Variants in TMEM232 observed in about 807,000 individuals in gnomAD.
TMEM232 encodes the protein transmembrane protein 232.
A neutral mutation model predicts 78.8 loss-of-function variants in TMEM232; 80 were observed. The ratio of observed to expected loss-of-function variants is 1.01; its 90% CI spans 0.85 to 1.22. The LOEUF (loss-of-function observed/expected upper bound fraction) is 1.22, where lower values mean the gene tolerates loss of function less well. Ranked by LOEUF, TMEM232 falls within the 50% of genes most tolerant of loss-of-function variation. The pLI is 0.00. For synonymous variants in TMEM232, 297 were observed against 254.3 expected (o/e 1.17, Z -1.60); for missense variants, 881 against 742.2 (o/e 1.19, Z -2.17).
At chr5:110,516,569 T>C (rs746161203) in intron 12 of TMEM232, among the ~76,000 whole-genome samples, 2 of 152,180 alleles carry the variant, frequency 1.3e-5, no homozygotes, top group Non-Finnish European at 2.9e-5. Context: ...CTACAACTTT[T>C]ATGATAAAGA....
intron 12 of TMEM232, among the ~76,000 whole-genome samples, chr5:110,492,401 T>C (rs192133325): frequency 6.6e-6 from 1 of 152,020 alleles, no homozygotes; most frequent in Admixed American, 6.6e-5. Context: ...GTTAGTGTCA[T>C]CAAATGTTAC....
At chr5:110,538,395 G>A (rs534072885) in intron 11 of TMEM232, among the ~76,000 whole-genome samples, 91 of 152,218 alleles carry the variant, frequency 6.0e-4, no homozygotes, top group African/African-American at 1.9e-3. Context: ...AGGAAAACAG[G>A]AACAGAGTGA....
chr5:110,545,870 G>C (rs548833620), intron 11 of TMEM232, among the ~76,000 whole-genome samples: 1 of 152,218 alleles, frequency 6.6e-6, no homozygotes, highest in African/African-American at 2.4e-5. Context: ...TTTCCTAGAT[G>C]TGCCAGCATA....
intron 12 of TMEM232, among the ~76,000 whole-genome samples, chr5:110,502,685 CCTCA>C (rs1252946111): frequency 2.6e-5 from 4 of 152,160 alleles, no homozygotes; most frequent in Non-Finnish European, 4.4e-5. Context: ...TCCACTTTCC[CCTCA>C]CTCACTACCC....
At position 110,586,759 on chromosome 5, in the gene TMEM232, T is replaced by C. The variant is rs372561742; in HGVS notation, c.1277-18134A>G. Among the ~76,000 whole-genome samples the C allele has an allele frequency of 3.7e-4, 56 of 152,160 alleles. No homozygotes were observed. In the East Asian group the frequency reaches 5.6e-3, roughly 15 times the overall value. ...AGCAAGGGAAGACTTTCACATCCTATTGGTAGACTTACAAAAATAATAAGC... is the reference window on the plus strand; with the variant it reads ...AGCAAGGGAAGACTTTCACATCCTACTGGTAGACTTACAAAAATAATAAGC... On this transcript the variant is annotated intron_variant, in intron 10 of 13. Transcript: ENST00000455884.
At chr5:110,456,451 T>A (rs1416242937) in intron 12 of TMEM232, among the ~76,000 whole-genome samples, 1 of 152,072 alleles carries the variant, frequency 6.6e-6, no homozygotes, top group Non-Finnish European at 1.5e-5. Flanking sequence ...GAGTAAATAT[T>A]GTGAAGATGT....
At chr5:110,722,933 G>A (rs919085402) in intron 1 of TMEM232, among the ~76,000 whole-genome samples, 2 of 152,098 alleles carry the variant, frequency 1.3e-5, no homozygotes, top group Non-Finnish European at 2.9e-5. Flanking sequence ...AGGCTATTTG[G>A]ATATATTTTC....
At chr5:110,521,085 C>T (rs1001636963) in intron 12 of TMEM232, among the ~76,000 whole-genome samples, 9 of 152,152 alleles carry the variant, frequency 5.9e-5, no homozygotes, top group East Asian at 3.9e-4. Context: ...TCCAAGATGG[C>T]GTCCTAGTAT....
upstream of TMEM232, among the ~76,000 whole-genome samples, chr5:110,731,645 T>C (rs907563621): frequency 6.6e-6 from 1 of 152,200 alleles, no homozygotes; most frequent in Non-Finnish European, 1.5e-5. Flanking sequence ...CTTTCAGCCA[T>C]GGCCGGAGCA....
chr5:110,632,624 G>T (rs1475603767), intron 5 of TMEM232, among the ~76,000 whole-genome samples: 2 of 152,016 alleles, frequency 1.3e-5, no homozygotes, highest in Non-Finnish European at 2.9e-5. Flanking sequence ...ACAATCAAGT[G>T]TTTAAACAAT....
chr5:110,613,815 T>C lies in TMEM232; in HGVS notation c.902+4614A>G, dbSNP rs182547341. Reference sequence around the variant, plus strand: ...GGTAATTATATTACAGTGTATATTGTTTATCTGGAGTTATGGCCTCTTGAA... The same window carrying C: ...GGTAATTATATTACAGTGTATATTGCTTATCTGGAGTTATGGCCTCTTGAA... On this transcript the variant is annotated intron_variant, in intron 8 of 13. Transcript: ENST00000455884. Among the ~76,000 whole-genome samples, 8 of 152,220 alleles carry C rather than the reference T, an allele frequency of 5.3e-5. 1 individual carries two copies. Among genetic ancestry groups the C allele is most frequent in the Admixed American group, 5.2e-4 (8 of 15,260 alleles).
At chr5:110,391,318 T>TGAGAGAGAGA (rs1361880347) in intron 3 of TMEM232, among the ~76,000 whole-genome samples, 7 of 137,262 alleles carry the variant, frequency 5.1e-5, no homozygotes, top group African/African-American at 2.3e-4. Context: ...TGTGTGTGTG[T>TGAGAGAGAGA]GTGTGTGTGA....
At chr5:110,607,831 G>A (rs1017164965) in intron 8 of TMEM232, among the ~76,000 whole-genome samples, 2 of 151,782 alleles carry the variant, frequency 1.3e-5, no homozygotes, top group African/African-American at 4.8e-5. Flanking sequence ...CCTCCTGCTT[G>A]TAATGCATAT....
chr5:110,637,028 A>G (rs1003723642), intron 5 of TMEM232, among the ~76,000 whole-genome samples: 48 of 151,642 alleles, frequency 3.2e-4, no homozygotes, highest in Admixed American at 3.1e-3. Flanking sequence ...AAGGAGATAA[A>G]AGCCAGACTT....
At chr5:110,447,669 TATA>T (rs1759815587) in intron 12 of TMEM232, among the ~76,000 whole-genome samples, 1 of 151,882 alleles carries the variant, frequency 6.6e-6, no homozygotes. Context: ...GGATATATGT[TATA>T]ATATTTATAA....
At chr5:110,706,456 G>A (rs183374071) in intron 1 of TMEM232, among the ~76,000 whole-genome samples, 12 of 152,138 alleles carry the variant, frequency 7.9e-5, no homozygotes, top group East Asian at 1.9e-4. Flanking sequence ...ATGCTGCAAA[G>A]GTTACTTACA....
intron 1 of TMEM232, among the ~76,000 whole-genome samples, chr5:110,688,675 G>A (rs1370390587): frequency 6.6e-6 from 1 of 152,166 alleles, no homozygotes; most frequent in African/African-American, 2.4e-5. Flanking sequence ...CCAGTGCTTT[G>A]TTGATGCATG....
At chr5:110,456,353 G>T (rs1293390976) in intron 12 of TMEM232, among the ~76,000 whole-genome samples, 1 of 151,734 alleles carries the variant, frequency 6.6e-6, no homozygotes, top group African/African-American at 2.4e-5. Context: ...AAAATATGAA[G>T]AATCTATATG....
intron 2 of TMEM232, among the ~76,000 whole-genome samples, chr5:110,405,732 A>T (rs1190345756): frequency 9.0e-6 from 1 of 111,592 alleles, no homozygotes. Context: ...GACACAGTTT[A>T]AAAAAAAAAA....
Sources: allele counts gnomAD v4.1 joint callset (sites outside exome capture counted in the v4.1 genomes callset), GRCh38; gene constraint gnomAD v4.1.1; transcripts MANE v1.5; gene names NCBI Gene and HGNC (gene_info 2026-07-23, HGNC 2026-07-21).